Variants in GRID2 observed in about 807,000 individuals in gnomAD.
The protein encoded by GRID2 is glutamate receptor ionotropic, delta-2.
GRID2 carries 33 observed loss-of-function variants against 114.8 expected under a neutral mutation model. The observed-to-expected ratio is 0.29, with a 90% CI of 0.22 to 0.38. GRID2 has a LOEUF of 0.38. Ranked by LOEUF, GRID2 falls within the 10% of genes least tolerant of loss-of-function variation. The pLI is 1.00. For missense variants in GRID2, 1,184 were observed against 1,257.7 expected, an observed-to-expected ratio of 0.94 and a Z score of 0.89; for synonymous variants, 505 against 449.9, an observed-to-expected ratio of 1.12 and a Z score of -1.55.
At chr4:92,430,688 A>T (rs1732396488) in intron 1 of GRID2, among the ~76,000 whole-genome samples, 1 of 152,114 alleles carries the variant, frequency 6.6e-6, no homozygotes, top group Non-Finnish European at 1.5e-5. Flanking sequence ...TATATGGATT[A>T]GTTTGGGTAG....
intron 12 of GRID2, among the ~76,000 whole-genome samples, chr4:93,501,064 G>A (rs1325468998): frequency 6.6e-6 from 1 of 151,926 alleles, no homozygotes; most frequent in Admixed American, 6.6e-5. Context: ...AGTGTATTGT[G>A]TGAGTACTTA....
intron 2 of GRID2, among the ~76,000 whole-genome samples, chr4:92,847,714 AATT>A (rs1340261782): frequency 1.3e-5 from 2 of 152,064 alleles, no homozygotes; most frequent in African/African-American, 4.8e-5. Flanking sequence ...TGTCATAAAT[AATT>A]ATTTCCCAAG....
chr4:92,820,407 T>C (rs1043517779), intron 2 of GRID2, among the ~76,000 whole-genome samples: 1 of 152,142 alleles, frequency 6.6e-6, no homozygotes, highest in African/African-American at 2.4e-5. Context: ...ACAGTTAAGA[T>C]AGCAGAAACC....
At chr4:93,628,005 C>T (rs530362584) in intron 14 of GRID2, among the ~76,000 whole-genome samples, 1 of 152,248 alleles carries the variant, frequency 6.6e-6, no homozygotes, top group East Asian at 1.9e-4. Flanking sequence ...GAAACCCCAT[C>T]TCTACTAAAA....
At chr4:92,812,375 A>G (rs781470198) in intron 2 of GRID2, among the ~76,000 whole-genome samples, 1 of 152,102 alleles carries the variant, frequency 6.6e-6, no homozygotes, top group Non-Finnish European at 1.5e-5. Flanking sequence ...TTTAATCAAA[A>G]CATTCTTTCC....
chr4:92,516,584 T>G (rs572943913), intron 1 of GRID2, among the ~76,000 whole-genome samples: 1 of 152,024 alleles, frequency 6.6e-6, no homozygotes, highest in African/African-American at 2.4e-5. Context: ...TAAGGCTCAC[T>G]TTAAAGCAGC....
At chr4:93,180,129 C>G (rs764831357) in intron 4 of GRID2, among the ~76,000 whole-genome samples, 12 of 152,034 alleles carry the variant, frequency 7.9e-5, no homozygotes, top group Non-Finnish European at 1.8e-4. Flanking sequence ...TACTTGCCCC[C>G]ACAGTGTCAC....
intron 2 of GRID2, among the ~76,000 whole-genome samples, chr4:92,695,376 A>G (rs980716119): frequency 2.0e-5 from 3 of 152,050 alleles, no homozygotes; most frequent in Non-Finnish European, 4.4e-5. Flanking sequence ...TTGCAGTAAA[A>G]TAGAAACACA....
intron 1 of GRID2, among the ~76,000 whole-genome samples, chr4:92,509,233 T>C (rs1579489777): frequency 6.6e-6 from 1 of 152,012 alleles, no homozygotes; most frequent in East Asian, 2.0e-4. Flanking sequence ...GAAAAAAACA[T>C]AACCATTAGT....
intron 10 of GRID2, among the ~76,000 whole-genome samples, chr4:93,432,555 A>C (rs1220365457): frequency 1.3e-5 from 2 of 152,168 alleles, no homozygotes; most frequent in African/African-American, 4.8e-5. Flanking sequence ...AGAGTGTTAG[A>C]GAAAACAAAA....
At chr4:92,853,866 G>A (rs905385189) in intron 2 of GRID2, among the ~76,000 whole-genome samples, 22 of 151,818 alleles carry the variant, frequency 1.4e-4, no homozygotes, top group Non-Finnish European at 2.9e-4. Flanking sequence ...TTGAGGGAAA[G>A]GGTTGAAAAA....
chr4:93,109,478 A>T (rs1437677569), intron 3 of GRID2, among the ~76,000 whole-genome samples: 1 of 152,104 alleles, frequency 6.6e-6, no homozygotes, highest in Non-Finnish European at 1.5e-5. Context: ...TAGTTTCTAA[A>T]TTTTTGGCTA....
At chr4:92,752,151 G>A (rs1737482929) in intron 2 of GRID2, among the ~76,000 whole-genome samples, 1 of 152,194 alleles carries the variant, frequency 6.6e-6, no homozygotes, top group Non-Finnish European at 1.5e-5. Flanking sequence ...TTACAGAGCA[G>A]TATTCTGTAC....
intron 11 of GRID2, among the ~76,000 whole-genome samples, chr4:93,474,991 GT>G (rs1385762693): frequency 1.3e-5 from 2 of 152,010 alleles, no homozygotes; most frequent in African/African-American, 4.8e-5. Flanking sequence ...AGTTTAATAA[GT>G]TTTTTGTTTT....
chr4:93,213,298 A>G (rs1010459689), intron 5 of GRID2, among the ~76,000 whole-genome samples: 1 of 152,120 alleles, frequency 6.6e-6, no homozygotes, highest in South Asian at 2.1e-4. Flanking sequence ...AATTTTATGG[A>G]AGCATCAAAG....
chr4:93,540,325 T>C (rs924903837), intron 13 of GRID2, among the ~76,000 whole-genome samples: 2 of 152,098 alleles, frequency 1.3e-5, no homozygotes, highest in Non-Finnish European at 1.5e-5. Context: ...TTCTTCTCCA[T>C]GCATCGTCTG....
intron 14 of GRID2, among the ~76,000 whole-genome samples, chr4:93,722,772 C>A (rs575455655): frequency 2.6e-5 from 4 of 152,188 alleles, no homozygotes; most frequent in Non-Finnish European, 5.9e-5. Context: ...TTTTATCATA[C>A]ACTAGTTCCT....
chr4:93,677,472 C>T (rs1438797349), intron 14 of GRID2, among the ~76,000 whole-genome samples: 4 of 152,182 alleles, frequency 2.6e-5, no homozygotes, highest in Non-Finnish European at 5.9e-5. Flanking sequence ...GGGCAGACTG[C>T]CTCCTCAAGT....
intron 2 of GRID2, among the ~76,000 whole-genome samples, chr4:92,683,667 T>A (rs1733760442): frequency 6.6e-6 from 1 of 151,362 alleles, no homozygotes; most frequent in Admixed American, 6.6e-5. Context: ...TTAAATTATT[T>A]TATATTAAAA....
Sources: allele counts gnomAD v4.1 joint callset (sites outside exome capture counted in the v4.1 genomes callset), GRCh38; gene constraint gnomAD v4.1.1; transcripts MANE v1.5; gene names NCBI Gene and HGNC (gene_info 2026-07-23, HGNC 2026-07-21).